IFT80: variants seen among roughly 807,000 people sequenced by gnomAD.
IFT80 encodes intraflagellar transport protein 80 homolog.
Under a neutral mutation model 107.9 loss-of-function variants are expected in IFT80, and 79 were observed. The observed-to-expected ratio is 0.73, with a 90% CI of 0.61 to 0.88. The LOEUF is 0.88. IFT80 is among the 40% of genes least tolerant of loss of function. The pLI is 0.00. For missense variants in IFT80, 797 were observed against 914.2 expected, an observed-to-expected ratio of 0.87 and a Z score of 1.65; for synonymous variants, 299 against 300.9, an observed-to-expected ratio of 0.99 and a Z score of 0.07.
rs984548872 is a variant in IFT80, at chr3:160,258,420, T to G, written c.*105A>C. The stretch of plus-strand genomic sequence containing the variant: ...CTAAATACACAGCAAGTACTTATAC[T>G]CGGTTAAAGATTATGCTTTTTTCTT... On this transcript the variant is annotated 3_prime_UTR_variant, in exon 20 of 20. Coordinates refer to ENST00000326448, the MANE Select transcript of IFT80 (RefSeq NM_020800.3). The G allele has an allele frequency of 1.9e-5, 26 of 1,385,868 alleles. No homozygotes were observed. Among genetic ancestry groups the G allele is most frequent in the Non-Finnish European group, 2.6e-5 (26 of 994,174 alleles). 85.8% of individuals were successfully genotyped at this position (1,385,868 alleles called of 1,614,324 possible).
chr3:160,341,879 A>ATATT (rs1463222151), intron 8 of IFT80, among the ~76,000 whole-genome samples: 5 of 152,172 alleles, frequency 3.3e-5, no homozygotes, highest in African/African-American at 7.2e-5. Context: ...TCTGGAAGGT[A>ATATT]TCCCTGTATC....
At chr3:160,312,752 ATATATATAAATGTATAT>A (rs1717422326) in intron 9 of IFT80, among the ~76,000 whole-genome samples, 1 of 40,672 alleles carries the variant, frequency 2.5e-5, no homozygotes, top group Non-Finnish European at 4.0e-5. Context: ...AATATATAAT[ATATATATAAATGTATAT>A]TATATATAAA....
At chr3:160,311,953 T>C (rs1717299210) in intron 9 of IFT80, among the ~76,000 whole-genome samples, 1 of 152,134 alleles carries the variant, frequency 6.6e-6, no homozygotes, top group Non-Finnish European at 1.5e-5. Context: ...GCTAATTTTT[T>C]TGTATTTTTA....
intron 12 of IFT80, 51 bp downstream of exon 12, chr3:160,300,828 TTATA>T: frequency 7.2e-7 from 1 of 1,388,574 alleles, no homozygotes; most frequent in Non-Finnish European, 1.0e-6. Context: ...TGTGAAAATT[TTATA>T]GTGTTAACAA....
chr3:160,283,074 CA>C (rs1480424422), intron 13 of IFT80, among the ~76,000 whole-genome samples: 3 of 152,124 alleles, frequency 2.0e-5, no homozygotes, highest in Non-Finnish European at 4.4e-5. Context: ...TAGATTCTCT[CA>C]CATTCATTCT....
intron 8 of IFT80, among the ~76,000 whole-genome samples, chr3:160,345,830 G>A (rs1249326429): frequency 1.3e-5 from 2 of 151,826 alleles, no homozygotes; most frequent in Admixed American, 1.3e-4. Flanking sequence ...ACTATTATTT[G>A]ATAGTACAAC....
chr3:160,359,704 A>G (rs1721357038), intron 6 of IFT80, among the ~76,000 whole-genome samples: 1 of 152,246 alleles, frequency 6.6e-6, no homozygotes, highest in Non-Finnish European at 1.5e-5. Context: ...GGTGATACCC[A>G]GGCAAACGGC....
intron 8 of IFT80, among the ~76,000 whole-genome samples, chr3:160,324,783 A>T (rs1415712800): frequency 6.6e-6 from 1 of 152,166 alleles, no homozygotes; most frequent in Non-Finnish European, 1.5e-5. Context: ...TGGTCAGGGC[A>T]ATTAGGCAGG....
chr3:160,275,007 A>G (rs1714141070), intron 18 of IFT80, among the ~76,000 whole-genome samples: 1 of 152,220 alleles, frequency 6.6e-6, no homozygotes, highest in Admixed American at 6.5e-5. Flanking sequence ...GATATTAGAC[A>G]ACTTGGGGGT....
chr3:160,308,583 T>C (rs1405521512), intron 9 of IFT80, among the ~76,000 whole-genome samples: 1 of 152,136 alleles, frequency 6.6e-6, no homozygotes, highest in Non-Finnish European at 1.5e-5. Flanking sequence ...GGGAAAAAAG[T>C]AATTATACCT....
At chr3:160,302,513 C>T (rs973482655) in intron 11 of IFT80, among the ~76,000 whole-genome samples, 1 of 151,886 alleles carries the variant, frequency 6.6e-6, no homozygotes, top group African/African-American at 2.4e-5. Flanking sequence ...GAGTAAACAC[C>T]CTGTTTGAAG....
chr3:160,314,681 T>C (rs142159271), intron 9 of IFT80, among the ~76,000 whole-genome samples: 1 of 152,288 alleles, frequency 6.6e-6, no homozygotes, highest in East Asian at 1.9e-4. Flanking sequence ...GATTGTTTAG[T>C]CTCACTGAAA....
chr3:160,384,481 C>T lies in IFT80; in HGVS notation c.37+83G>A, dbSNP rs1021183690. ...GGAATGAAAAAAAAAATCTATTCTT[C>T]AACTAGGATATAAAATAGAGAAACT... On this transcript the variant is annotated intron_variant, in intron 2 of 19. Coordinates refer to ENST00000326448, the MANE Select transcript of IFT80 (RefSeq NM_020800.3). The T allele has an allele frequency of 6.7e-6, 9 of 1,346,914 alleles. No individual in the cohort carries two copies. In the East Asian group the frequency reaches 1.4e-4, roughly 20 times the overall value. The allele number at this position is 1,346,914 out of a possible 1,614,324, so 83.4% of individuals were successfully genotyped here.
At chr3:160,380,528 G>GATCTACCC (rs1480258436) in intron 3 of IFT80, among the ~76,000 whole-genome samples, 1 of 152,164 alleles carries the variant, frequency 6.6e-6, no homozygotes, top group Non-Finnish European at 1.5e-5. Flanking sequence ...ACTAGTGCTT[G>GATCTACCC]ATCTACCCCT....
chr3:160,283,998 T>C (rs574966772), intron 13 of IFT80, among the ~76,000 whole-genome samples: 14 of 152,322 alleles, frequency 9.2e-5, no homozygotes, highest in African/African-American at 3.1e-4. Flanking sequence ...AGTTCTAGTT[T>C]GGGCTCTGTT....
At chr3:160,276,105 T>G (rs1377544014) in intron 18 of IFT80, among the ~76,000 whole-genome samples, 1 of 152,080 alleles carries the variant, frequency 6.6e-6, no homozygotes, top group Non-Finnish European at 1.5e-5. Flanking sequence ...CCTGACCGTG[T>G]GATCCGCCTG....
chr3:160,271,957 T>A (rs1469871363), intron 18 of IFT80, among the ~76,000 whole-genome samples: 4 of 150,814 alleles, frequency 2.7e-5, no homozygotes, highest in African/African-American at 9.7e-5. Context: ...AAAAAAAACC[T>A]AAATCTAATC....
intron 8 of IFT80, among the ~76,000 whole-genome samples, chr3:160,334,009 G>C (rs1719279552): frequency 6.6e-6 from 1 of 152,038 alleles, no homozygotes; most frequent in South Asian, 2.1e-4. Context: ...ACATCACTAG[G>C]CAATAGGAAT....
At chr3:160,304,937 G>C (rs1716728769) in intron 10 of IFT80, among the ~76,000 whole-genome samples, 1 of 152,138 alleles carries the variant, frequency 6.6e-6, no homozygotes, top group Non-Finnish European at 1.5e-5. Flanking sequence ...GAAATGAAAA[G>C]ATTTCTGTGA....
Sources: gnomAD v4.1 joint callset for allele counts (sites outside exome capture counted in the v4.1 genomes callset) on GRCh38, gnomAD v4.1.1 for gene constraint, MANE v1.5 for transcripts, NCBI Gene and HGNC (gene_info 2026-07-23, HGNC 2026-07-21) for gene names.